Variants in MYT1L observed in about 807,000 individuals in gnomAD.
MYT1L encodes myelin transcription factor 1-like protein.
Under a neutral mutation model 126.7 loss-of-function variants are expected in MYT1L, and 12 were observed. That is an observed-to-expected ratio of 0.09 (90% CI 0.06 to 0.15). The LOEUF (loss-of-function observed/expected upper bound fraction) is 0.15. Ranked by LOEUF, MYT1L falls within the 10% of genes least tolerant of loss-of-function variation. The pLI, the probability that MYT1L is intolerant of heterozygous loss-of-function variation, is 1.00. For synonymous variants in MYT1L, 541 were observed against 604.2 expected, an observed-to-expected ratio of 0.90 and a Z score of 1.53; for missense variants, 979 against 1,585.2, an observed-to-expected ratio of 0.62 and a Z score of 6.49.
intron 10 of MYT1L, among the ~76,000 whole-genome samples, chr2:1,921,299 T>C (rs528651017): frequency 6.6e-6 from 1 of 152,326 alleles, no homozygotes; most frequent in African/African-American, 2.4e-5. Context: ...AATATTGTGA[T>C]GGAGATATCC....
intron 3 of MYT1L, among the ~76,000 whole-genome samples, chr2:2,123,223 C>T (rs2081279582): frequency 6.6e-6 from 1 of 152,084 alleles, no homozygotes; most frequent in Admixed American, 6.5e-5. Flanking sequence ...TTGTTTGGGG[C>T]TGTTTCAGCA....
At chr2:1,894,982 C>A (rs985037871) in intron 14 of MYT1L, among the ~76,000 whole-genome samples, 14 of 152,222 alleles carry the variant, frequency 9.2e-5, no homozygotes, top group African/African-American at 3.4e-4. Context: ...GCCTCGACTG[C>A]CATCAACGAT....
Position 1,930,132 on chromosome 2 carries a change from C to T in MYT1L, c.506-6869G>A, listed in dbSNP as rs559876594. On this transcript the variant is annotated intron_variant, in intron 9 of 24. Coordinates refer to ENST00000647738, the MANE Select transcript of MYT1L (RefSeq NM_001303052.2). ...TCCTCAGACCCCTAATTTGAGTAAGCGCTCAGGAAGGACACAGAACTACAG... is the reference window on the plus strand; with the variant it reads ...TCCTCAGACCCCTAATTTGAGTAAGTGCTCAGGAAGGACACAGAACTACAG... Among the ~76,000 whole-genome samples, 8 of 152,296 alleles carry T rather than the reference C, an allele frequency of 5.3e-5. No homozygotes were observed. The South Asian group carries it at 8.3e-4, about 16-fold the overall frequency.
chr2:2,223,944 C>T (rs981775672), intron 2 of MYT1L, among the ~76,000 whole-genome samples: 2 of 152,182 alleles, frequency 1.3e-5, no homozygotes, highest in African/African-American at 2.4e-5. Flanking sequence ...ATGAAGGAAA[C>T]GCAAATTCAA....
intron 19 of MYT1L, chr2:1,842,938 C>T (rs2041987525): frequency 1.2e-5 from 2 of 168,770 alleles, no homozygotes; most frequent in African/African-American, 2.4e-5. Flanking sequence ...GGCGCTTCCG[C>T]TTCCAGGCGC....
intron 8 of MYT1L, among the ~76,000 whole-genome samples, chr2:1,974,252 C>A (rs112904155): frequency 1.3e-5 from 2 of 152,150 alleles, no homozygotes; most frequent in African/African-American, 4.8e-5. Flanking sequence ...CCAGTGCCCC[C>A]GGCCACCTCT....
intron 2 of MYT1L, among the ~76,000 whole-genome samples, chr2:2,214,215 T>C (rs1317791762): frequency 5.9e-5 from 9 of 151,980 alleles, no homozygotes; most frequent in Non-Finnish European, 1.5e-5. Flanking sequence ...CTCATATACA[T>C]GTAATCAGAA....
chr2:2,249,640 A>G (rs192983953), intron 2 of MYT1L, among the ~76,000 whole-genome samples: 182 of 152,242 alleles, frequency 1.2e-3, no homozygotes, highest in Non-Finnish European at 5.3e-4. Flanking sequence ...GTAATACCCC[A>G]CAAACACAAG....
chr2:2,298,124 C>T (rs1054732090), intron 1 of MYT1L, among the ~76,000 whole-genome samples: 4 of 151,938 alleles, frequency 2.6e-5, no homozygotes, highest in African/African-American at 9.7e-5. Context: ...TTTTATGAAG[C>T]CTGGCTTTTA....
rs1205107030 is a variant in MYT1L, at chr2:1,929,959, T to A, written c.506-6696A>T. 2.0e-5 allele frequency among the ~76,000 whole-genome samples: 3 copies of A among 152,154 alleles called. No homozygotes were observed. Among genetic ancestry groups the A allele is most frequent in the Admixed American group, 6.5e-5 (1 of 15,268 alleles). On this transcript the variant is annotated intron_variant, in intron 9 of 24. Transcript: ENST00000647738. This position sits in a 1 kb window ranked among gnomAD's most constrained non-coding sequence, Gnocchi z 4.7. Reference sequence around the variant, plus strand: ...CAACGCAGTGTCATCTCTAAGATAATTTTCTGAGACATAGGAAGATCCGTG... The same window carrying A: ...CAACGCAGTGTCATCTCTAAGATAAATTTCTGAGACATAGGAAGATCCGTG...
chr2:1,909,785 T>C (rs1012443138), intron 13 of MYT1L, among the ~76,000 whole-genome samples: 4 of 152,120 alleles, frequency 2.6e-5, no homozygotes, highest in African/African-American at 9.7e-5. Context: ...TCTGCCGGTT[T>C]TGCACGCGAG....
chr2:2,120,153 T>A (rs556488801), intron 3 of MYT1L, among the ~76,000 whole-genome samples: 2 of 152,298 alleles, frequency 1.3e-5, no homozygotes, highest in South Asian at 4.2e-4. Context: ...AATATGATAG[T>A]GTTAATCGTC....
chr2:1,871,372 C>A (rs71440699), intron 18 of MYT1L, among the ~76,000 whole-genome samples: 1,579 of 152,324 alleles, frequency 0.01, 20 homozygotes, highest in Non-Finnish European at 0.018. Context: ...CGGGAGGGCC[C>A]CTCCTATCTC....
chr2:2,263,243 A>C (rs2095034017), intron 2 of MYT1L, among the ~76,000 whole-genome samples: 1 of 151,886 alleles, frequency 6.6e-6, no homozygotes, highest in African/African-American at 2.4e-5. Context: ...TCGTGCATTT[A>C]TAATCACTTT....
chr2:1,958,123 C>T (rs1202392465), intron 8 of MYT1L, among the ~76,000 whole-genome samples: 2 of 133,816 alleles, frequency 1.5e-5, no homozygotes, highest in Non-Finnish European at 3.1e-5. Context: ...AGTTGCAGAA[C>T]ATTTTTTTTT....
chr2:2,291,716 T>G (rs959255050), intron 1 of MYT1L, among the ~76,000 whole-genome samples: 2 of 152,162 alleles, frequency 1.3e-5, no homozygotes, highest in African/African-American at 2.4e-5. Flanking sequence ...GACAGCAGCT[T>G]CCCTTGCCAC....
chr2:1,895,925 T>C (rs2049506630), intron 14 of MYT1L, among the ~76,000 whole-genome samples: 1 of 152,154 alleles, frequency 6.6e-6, no homozygotes, highest in Non-Finnish European at 1.5e-5. Flanking sequence ...GGAGAAGATA[T>C]TCACAAACTA....
At chr2:1,856,296 C>A (rs1447662396) in intron 18 of MYT1L, among the ~76,000 whole-genome samples, 3 of 152,182 alleles carry the variant, frequency 2.0e-5, no homozygotes, top group African/African-American at 7.2e-5. Context: ...TTACTATTCA[C>A]CACCAAAGAA....
chr2:1,973,990 C>A (rs756515243), intron 8 of MYT1L, among the ~76,000 whole-genome samples: 14 of 152,246 alleles, frequency 9.2e-5, no homozygotes, highest in Non-Finnish European at 1.3e-4. Flanking sequence ...AGGTTGGTGA[C>A]TTCCTAGTAG....
Sources: allele counts gnomAD v4.1 joint callset (sites outside exome capture counted in the v4.1 genomes callset), GRCh38; gene constraint gnomAD v4.1.1; non-coding constraint Gnocchi (gnomAD v3.1); transcripts MANE v1.5; gene names NCBI Gene and HGNC (gene_info 2026-07-23, HGNC 2026-07-21).